MERTK: variants seen among roughly 807,000 people sequenced by gnomAD.
MERTK encodes the protein tyrosine-protein kinase Mer.
Under a neutral mutation model 99.3 loss-of-function variants are expected in MERTK, and 69 were observed. The ratio of observed to expected loss-of-function variants is 0.70; its 90% CI spans 0.57 to 0.85. MERTK has a LOEUF of 0.85. Among genes scored for constraint, MERTK ranks in the 40% least tolerant of loss-of-function variants. The pLI is 0.00. For synonymous variants in MERTK, 426 were observed against 467.6 expected, an observed-to-expected ratio of 0.91 and a Z score of 1.15; for missense variants, 1,125 against 1,249.4, an observed-to-expected ratio of 0.90 and a Z score of 1.50.
intron 10 of MERTK, among the ~76,000 whole-genome samples, chr2:111,998,839 G>A (rs1461326505): frequency 6.6e-6 from 1 of 152,172 alleles, no homozygotes; most frequent in Non-Finnish European, 1.5e-5. Context: ...CTCAGCAGAA[G>A]CTTAAAACAA....
chr2:112,019,596 C>A, intron 16 of MERTK, 74 bp downstream of exon 16: 2 of 1,135,294 alleles, frequency 1.8e-6, no homozygotes, highest in Non-Finnish European at 2.7e-6. Context: ...GTGAGAGGAC[C>A]TGTTCCTGTT....
intron 6 of MERTK, among the ~76,000 whole-genome samples, chr2:111,970,789 T>TCCTCCTCCTACCC (rs1676099120): frequency 7.8e-5 from 1 of 12,884 alleles, no homozygotes; most frequent in Non-Finnish European, 1.6e-4. Flanking sequence ...TCCTCCTCCC[T>TCCTCCTCCTACCC]CCTCCTCCTC....
rs140971272 is a variant in MERTK, at chr2:111,950,608, C to G, written c.757+3041C>G. ...TGTAGACATTTAGTGGATTTGAAAT[C>G]TAGTAGATTATTGTGGTTTTAGTTT... On this transcript the variant is annotated intron_variant, in intron 4 of 18. Coordinates refer to ENST00000295408, the MANE Select transcript of MERTK (RefSeq NM_006343.3). Among the ~76,000 whole-genome samples, 948 of 152,222 alleles carry G rather than the reference C, an allele frequency of 6.2e-3. 11 individuals carry two copies. Among genetic ancestry groups the G allele is most frequent in the Non-Finnish European group, 7.8e-3 (528 of 68,012 alleles).
At chr2:111,970,637 T>C (rs1199530276) in intron 6 of MERTK, among the ~76,000 whole-genome samples, 1 of 152,168 alleles carries the variant, frequency 6.6e-6, no homozygotes, top group African/African-American at 2.4e-5. Flanking sequence ...CAGTGTAATA[T>C]TGACCTTCTA....
intron 6 of MERTK, among the ~76,000 whole-genome samples, chr2:111,971,607 G>T (rs977681651): frequency 3.3e-5 from 5 of 152,018 alleles, no homozygotes; most frequent in Non-Finnish European, 7.4e-5. Flanking sequence ...ACATAATTAT[G>T]AATTTCCCAA....
At chr2:111,997,789 C>T in intron 10 of MERTK, among the ~76,000 whole-genome samples, 1 of 152,220 alleles carries the variant, frequency 6.6e-6, no homozygotes, top group East Asian at 1.9e-4. Flanking sequence ...CGGTGGCTCA[C>T]ACCTGTAATC....
intron 4 of MERTK, among the ~76,000 whole-genome samples, chr2:111,955,345 G>A (rs151271182): frequency 3.9e-5 from 6 of 152,206 alleles, no homozygotes; most frequent in African/African-American, 1.2e-4. Flanking sequence ...CAAAGGTTAC[G>A]TGCTGTACAA....
intron 11 of MERTK, 28 bp downstream of exon 11, chr2:112,001,314 G>C (rs1292876326): frequency 6.4e-7 from 1 of 1,559,770 alleles, no homozygotes; most frequent in Non-Finnish European, 8.8e-7. Context: ...TCCCTTTTTG[G>C]CAAAAGTTAA....
chr2:111,983,799 G>A (rs1344379816), intron 8 of MERTK, among the ~76,000 whole-genome samples: 2 of 152,206 alleles, frequency 1.3e-5, no homozygotes, highest in African/African-American at 4.8e-5. Context: ...CACGTGACTA[G>A]CCCCAGCATG....
chr2:111,931,689 G>GA (rs529477616), intron 2 of MERTK, among the ~76,000 whole-genome samples: 5,844 of 107,024 alleles, frequency 0.055, 389 homozygotes, highest in African/African-American at 0.18. Flanking sequence ...CATCTCAAAA[G>GA]AAAAAAAAAA....
Position 111,994,413 on chromosome 2 carries a change from T to A in MERTK, c.1450+9T>A, listed in dbSNP as rs778117203. The A allele has an allele frequency of 6.2e-7, 1 of 1,613,988 alleles. No individual in the cohort carries two copies. Among genetic ancestry groups the A allele is most frequent in the Non-Finnish European group, 8.5e-7 (1 of 1,179,958 alleles). ...ATTTATCCCTGCACACGGTGAGAGCTATACCCAGTAAGGGCTGATAGGATG... is the reference window on the plus strand; with the variant it reads ...ATTTATCCCTGCACACGGTGAGAGCAATACCCAGTAAGGGCTGATAGGATG... On this transcript the variant is annotated intron_variant, in intron 9 of 18. Transcript: ENST00000295408.
chr2:111,949,285 G>A (rs1194980593), intron 4 of MERTK, among the ~76,000 whole-genome samples: 1 of 152,116 alleles, frequency 6.6e-6, no homozygotes, highest in Non-Finnish European at 1.5e-5. Context: ...AAGGACAAGA[G>A]CTTTGTCTCT....
chr2:112,017,997 T>A (rs1233381479), intron 15 of MERTK, among the ~76,000 whole-genome samples: 1 of 152,182 alleles, frequency 6.6e-6, no homozygotes, highest in Non-Finnish European at 1.5e-5. Context: ...GCTAGGTGGG[T>A]GCTTGAGGAA....
At chr2:111,918,696 G>A (rs1468940155) in intron 1 of MERTK, among the ~76,000 whole-genome samples, 1 of 152,222 alleles carries the variant, frequency 6.6e-6, no homozygotes, top group African/African-American at 2.4e-5. Context: ...GATAGTCCAG[G>A]CATGACTAGT....
intron 4 of MERTK, among the ~76,000 whole-genome samples, chr2:111,964,043 C>CTTTTTTTTTTTTTTTTTTTTTTTTTTTTT (rs56693776): frequency 1.4e-4 from 15 of 103,862 alleles, no homozygotes; most frequent in Non-Finnish European, 2.1e-4. Context: ...AATTTTCTTT[C>CTTTTTTTTTTTTTTTTTTTTTTTTTTTTT]TTTTTTTTTT....
At chr2:111,944,510 T>A (rs1684924062) in intron 2 of MERTK, among the ~76,000 whole-genome samples, 1 of 152,310 alleles carries the variant, frequency 6.6e-6, no homozygotes, top group East Asian at 1.9e-4. Flanking sequence ...TTCCTTAAAA[T>A]AATTCCTCTG....
intron 7 of MERTK, among the ~76,000 whole-genome samples, chr2:111,979,955 G>C (rs1451807253): frequency 6.6e-6 from 1 of 152,124 alleles, no homozygotes; most frequent in Non-Finnish European, 1.5e-5. Context: ...TCTGCTGTCT[G>C]CTCCTATGGA....
intron 6 of MERTK, among the ~76,000 whole-genome samples, chr2:111,973,432 C>T (rs1472994332): frequency 2.0e-5 from 3 of 152,036 alleles, no homozygotes; most frequent in Non-Finnish European, 4.4e-5. Context: ...TTGTCACCCA[C>T]GGGGTCTGAG....
chr2:111,916,276 A>G (rs1257484451), intron 1 of MERTK, among the ~76,000 whole-genome samples: 1 of 152,074 alleles, frequency 6.6e-6, no homozygotes, highest in African/African-American at 2.4e-5. Context: ...TACAGGCGAG[A>G]GCCACCGCGC....
Sources: gnomAD v4.1 joint callset for allele counts (sites outside exome capture counted in the v4.1 genomes callset) on GRCh38, gnomAD v4.1.1 for gene constraint, MANE v1.5 for transcripts, NCBI Gene and HGNC (gene_info 2026-07-23, HGNC 2026-07-21) for gene names.